The following CALD1 variants were observed in gnomAD, a reference collection of about 807,000 sequenced individuals.
The protein encoded by CALD1 is caldesmon.
A neutral mutation model predicts 99.9 loss-of-function variants in CALD1; 33 were observed. That is an observed-to-expected ratio of 0.33 (90% confidence interval 0.25 to 0.44). CALD1 has a LOEUF of 0.44. Among genes scored for constraint, CALD1 ranks in the 20% least tolerant of loss-of-function variants. The pLI, the probability that CALD1 is intolerant of heterozygous loss-of-function variation, is 1.00. For missense variants in CALD1, 861 were observed against 962.1 expected (o/e 0.89, Z 1.39); for synonymous variants, 310 against 325.0 (o/e 0.95, Z 0.50).
intron 5 of CALD1, 100 bp downstream of exon 5, chr7:134,934,177 A>C: frequency 2.0e-6 from 3 of 1,503,228 alleles, no homozygotes; most frequent in Non-Finnish European, 2.7e-6. Context: ...TATAGCTCAC[A>C]TGCTTGATCA....
At chr7:134,935,568 C>G in intron 5 of CALD1, 120 bp from the exon 6 acceptor site, 2 of 1,473,772 alleles carry the variant, frequency 1.4e-6, no homozygotes, top group Non-Finnish European at 1.8e-6. Flanking sequence ...AGCGCTGAGA[C>G]GGCAGAAGAG....
chr7:134,897,686 TTTG>T (rs1333316798), intron 3 of CALD1, among the ~76,000 whole-genome samples: 1 of 151,872 alleles, frequency 6.6e-6, no homozygotes, highest in Non-Finnish European at 1.5e-5. Context: ...TTTGTTTTGT[TTTG>T]TTTTTTGTTT....
At chr7:134,772,382 A>G (rs1796884413) in intron 1 of CALD1, among the ~76,000 whole-genome samples, 2 of 152,306 alleles carry the variant, frequency 1.3e-5, no homozygotes, top group South Asian at 4.1e-4. Flanking sequence ...GGAGCAAGCC[A>G]CCGTGCCCAG....
At chr7:134,798,448 G>A (rs943297128) in intron 1 of CALD1, among the ~76,000 whole-genome samples, 2 of 152,200 alleles carry the variant, frequency 1.3e-5, no homozygotes, top group Non-Finnish European at 2.9e-5. Flanking sequence ...CAATTTCACA[G>A]TTTTAGGCAG....
intron 1 of CALD1, among the ~76,000 whole-genome samples, chr7:134,797,419 CAT>C (rs1585964180): frequency 1.3e-5 from 2 of 152,308 alleles, no homozygotes; most frequent in African/African-American, 4.8e-5. Context: ...CATGAGATCA[CAT>C]ATGTGAAAGT....
At chr7:134,722,819 T>C in the CALD1 span, among the ~76,000 whole-genome samples, 2 of 152,196 alleles carry the variant, frequency 1.3e-5, no homozygotes, top group Non-Finnish European at 1.5e-5. Flanking sequence ...CCACAGTCCC[T>C]GCTGGGAGGC....
intron 1 of CALD1, among the ~76,000 whole-genome samples, chr7:134,753,841 G>T (rs1388611278): frequency 6.6e-6 from 1 of 152,044 alleles, no homozygotes; most frequent in Non-Finnish European, 1.5e-5. Context: ...TCCCTCCCTG[G>T]CCTGCTCTGA....
intron 3 of CALD1, among the ~76,000 whole-genome samples, chr7:134,921,926 G>T (rs1430886097): frequency 6.6e-6 from 1 of 152,130 alleles, no homozygotes; most frequent in Non-Finnish European, 1.5e-5. Flanking sequence ...GGGAAAAAAT[G>T]AAAGAACCCA....
At chr7:134,877,178 A>T (rs1801390892) in intron 3 of CALD1, among the ~76,000 whole-genome samples, 1 of 152,200 alleles carries the variant, frequency 6.6e-6, no homozygotes, top group African/African-American at 2.4e-5. Context: ...AGGCGCTCTC[A>T]GAAAAGCCCT....
At chr7:134,859,367 G>T (rs1292719675) in intron 2 of CALD1, among the ~76,000 whole-genome samples, 1 of 152,186 alleles carries the variant, frequency 6.6e-6, no homozygotes, top group Non-Finnish European at 1.5e-5. Flanking sequence ...CTTGCCTTAG[G>T]GTTTACGCTT....
intron 1 of CALD1, among the ~76,000 whole-genome samples, chr7:134,756,092 T>C (rs1047430663): frequency 2.6e-5 from 4 of 151,920 alleles, no homozygotes; most frequent in African/African-American, 9.7e-5. Flanking sequence ...GGTTTCACTA[T>C]GTTGGCCAGA....
chr7:134,793,451 C>T (rs1246797690), intron 1 of CALD1, among the ~76,000 whole-genome samples: 2 of 152,148 alleles, frequency 1.3e-5, no homozygotes, highest in South Asian at 2.1e-4. Flanking sequence ...TGGTTTCAAG[C>T]GCCCATACAT....
intron 1 of CALD1, among the ~76,000 whole-genome samples, chr7:134,814,652 T>A (rs1798488356): frequency 6.6e-6 from 1 of 152,318 alleles, no homozygotes; most frequent in East Asian, 1.9e-4. Context: ...GAAGATGCTA[T>A]TTATTCCATA....
intron 13 of CALD1, among the ~76,000 whole-genome samples, chr7:134,962,660 G>A (rs936112809): frequency 6.6e-6 from 1 of 152,136 alleles, no homozygotes; most frequent in Non-Finnish European, 1.5e-5. Context: ...AGAATTTATA[G>A]GATTTCAGTG....
chr7:134,830,983 A>G (rs1336557234), intron 1 of CALD1, among the ~76,000 whole-genome samples: 1 of 152,186 alleles, frequency 6.6e-6, no homozygotes, highest in Non-Finnish European at 1.5e-5. Context: ...ATTACTTAGC[A>G]ATGCAAAAAC....
intron 2 of CALD1, among the ~76,000 whole-genome samples, chr7:134,867,250 G>A (rs779236056): frequency 6.6e-6 from 1 of 151,980 alleles, no homozygotes; most frequent in Non-Finnish European, 1.5e-5. Context: ...TTTATTTCTC[G>A]CTTTCACTTT....
intron 1 of CALD1, among the ~76,000 whole-genome samples, chr7:134,792,660 T>C (rs1797585902): frequency 6.6e-6 from 1 of 152,176 alleles, no homozygotes; most frequent in South Asian, 2.1e-4. Flanking sequence ...TTTAACTTGA[T>C]TACCTCTGTA....
chr7:134,770,136 C>G, intron 1 of CALD1, among the ~76,000 whole-genome samples: 1 of 152,112 alleles, frequency 6.6e-6, no homozygotes, highest in African/African-American at 2.4e-5. Context: ...AAAATGCTCT[C>G]AAACCTTAGT....
upstream of CALD1, among the ~76,000 whole-genome samples, chr7:134,776,398 CT>C (rs1796919247): frequency 1.3e-5 from 2 of 151,940 alleles, no homozygotes; most frequent in South Asian, 4.1e-4. Flanking sequence ...CTTTTTTCTA[CT>C]TCTCTTATTT....
Sources: gnomAD v4.1 joint callset for allele counts (sites outside exome capture counted in the v4.1 genomes callset) on GRCh38, gnomAD v4.1.1 for gene constraint, MANE v1.5 for transcripts, NCBI Gene and HGNC (gene_info 2026-07-23, HGNC 2026-07-21) for gene names.